PHKB: variants seen among roughly 807,000 people sequenced by gnomAD.
PHKB encodes the protein phosphorylase b kinase regulatory subunit beta.
In PHKB, 122 loss-of-function variants were observed where a neutral mutation model predicts 152.1. That is an observed-to-expected ratio of 0.80 (90% CI 0.69 to 0.93). The LOEUF is 0.93. PHKB is among the 40% of genes least tolerant of loss of function. PHKB has a pLI of 0.00. For synonymous variants in PHKB, 436 were observed against 464.9 expected (o/e 0.94, Z 0.80); for missense variants, 1,304 against 1,328.4 (o/e 0.98, Z 0.29).
rs773070437 is a variant in PHKB at position 47,700,765 on chromosome 16, C to T, written c.*1399C>T. ...TTCACCTGAGAAGATAGATTTGTCA[C>T]ATAAAAAATGCAGCTTATTTGTAGT... On this transcript the variant is annotated 3_prime_UTR_variant, in exon 31 of 31. Transcript: ENST00000323584. 8.6e-5 allele frequency: 13 copies of T among 151,922 alleles called. No homozygotes were observed. The highest frequency in any genetic ancestry group is 1.8e-4 in the Non-Finnish European group (12 of 67,996). 9.4% of individuals were successfully genotyped at this position (151,922 alleles called of 1,614,324 possible). A position where few individuals can be genotyped will look rare whatever the true frequency, so the allele number is the denominator to read the frequency against.
intron 26 of PHKB, among the ~76,000 whole-genome samples, chr16:47,669,791 A>G (rs1418740648): frequency 1.3e-5 from 2 of 152,240 alleles, no homozygotes; most frequent in Non-Finnish European, 2.9e-5. Context: ...TCAGGAGGAC[A>G]CATCCAGATA....
At chr16:47,618,617 A>G (rs140322929) in intron 14 of PHKB, among the ~76,000 whole-genome samples, 350 of 152,362 alleles carry the variant, frequency 2.3e-3, no homozygotes, top group Middle Eastern at 0.014. Context: ...TATTTGAAAG[A>G]AAATTTACCC....
At chr16:47,529,380 G>A (rs1358526369) in intron 6 of PHKB, 1 of 125,270 alleles carries the variant, frequency 8.0e-6, no homozygotes, top group Non-Finnish European at 1.6e-5. Context: ...ACAGAGTCTT[G>A]CTCTGTTGCC....
chr16:47,571,814 C>T (rs920489576), intron 7 of PHKB, among the ~76,000 whole-genome samples: 24 of 152,186 alleles, frequency 1.6e-4, no homozygotes, highest in African/African-American at 5.8e-4. Context: ...ACCTGTTCCT[C>T]TGCTGAAAGA....
chr16:47,651,596 G>A (rs112590210), intron 20 of PHKB, among the ~76,000 whole-genome samples: 11 of 152,066 alleles, frequency 7.2e-5, no homozygotes, highest in Non-Finnish European at 1.5e-4. Flanking sequence ...CCATGCTTTC[G>A]TGACCTTTAA....
intron 14 of PHKB, among the ~76,000 whole-genome samples, chr16:47,636,964 C>T (rs1437991204): frequency 6.6e-6 from 1 of 152,180 alleles, no homozygotes; most frequent in African/African-American, 2.4e-5. Context: ...GACCGATCAG[C>T]ATGCGCTTCC....
At chr16:47,595,687 T>G (rs956959695) in intron 12 of PHKB, among the ~76,000 whole-genome samples, 2 of 152,220 alleles carry the variant, frequency 1.3e-5, no homozygotes, top group African/African-American at 4.8e-5. Context: ...AATAGCTTCC[T>G]CTGTGGCTCT....
intron 1 of PHKB, chr16:47,462,170 G>C (rs1009998340): frequency 7.9e-5 from 12 of 152,224 alleles, no homozygotes; most frequent in African/African-American, 2.9e-4. Context: ...TGGTTGGCTG[G>C]ATATAATCTT....
intron 16 of PHKB, among the ~76,000 whole-genome samples, chr16:47,642,320 C>T (rs1973039557): frequency 1.3e-5 from 2 of 152,240 alleles, no homozygotes; most frequent in African/African-American, 4.8e-5. Context: ...TGATGTAGTT[C>T]AATACCTATT....
At chr16:47,466,001 T>C (rs1969662588) in intron 1 of PHKB, among the ~76,000 whole-genome samples, 1 of 152,250 alleles carries the variant, frequency 6.6e-6, no homozygotes, top group East Asian at 1.9e-4. Flanking sequence ...ATTTTCAATG[T>C]ACCTGCATTG....
intron 14 of PHKB, among the ~76,000 whole-genome samples, chr16:47,623,032 C>T (rs1291154680): frequency 6.6e-6 from 1 of 152,078 alleles, no homozygotes; most frequent in Admixed American, 6.5e-5. Context: ...CTCATACAGG[C>T]CTAGCTATAA....
At chr16:47,563,915 G>A (rs1046395138) in intron 7 of PHKB, among the ~76,000 whole-genome samples, 1 of 150,666 alleles carries the variant, frequency 6.6e-6, no homozygotes, top group African/African-American at 2.4e-5. Flanking sequence ...GTGGCATTTG[G>A]TTTTTCATTC....
chr16:47,582,662 G>A (rs1971867666), intron 8 of PHKB, among the ~76,000 whole-genome samples: 2 of 152,190 alleles, frequency 1.3e-5, no homozygotes, highest in Admixed American at 1.3e-4. Context: ...GAGAACAACT[G>A]CTCTAAGCCG....
chr16:47,648,542 C>A lies in PHKB; in HGVS notation c.1618C>A (p.Gln540Lys). The A allele has an allele frequency of 1.2e-6, 2 of 1,611,136 alleles. No homozygotes were observed. Among genetic ancestry groups the A allele is most frequent in the Non-Finnish European group, 1.7e-6 (2 of 1,177,446 alleles). The change falls in exon 17 of 31, where the codon CAG becomes AAG. Residue 540 changes from glutamine to lysine, a missense_variant. Coordinates refer to ENST00000323584, the MANE Select transcript of PHKB (RefSeq NM_000293.3). ...PQQELVKAYL[Q>K]LGINEKLGLS... is the part of the protein sequence containing the mutation. ...AACTTGTGTCTTACAGGCTTATTTGCAGCTGGGTATCAATGAAAAGTTAGG... is the reference window on the plus strand; with the variant it reads ...AACTTGTGTCTTACAGGCTTATTTGAAGCTGGGTATCAATGAAAAGTTAGG...
chr16:47,534,016 C>T (rs1970909011), intron 6 of PHKB, among the ~76,000 whole-genome samples: 1 of 152,228 alleles, frequency 6.6e-6, no homozygotes. Context: ...CCCAAGAGTA[C>T]AGAGATACCC....
At chr16:47,497,866 G>A (rs749730041) in intron 2 of PHKB, among the ~76,000 whole-genome samples, 8 of 151,938 alleles carry the variant, frequency 5.3e-5, no homozygotes, top group Non-Finnish European at 8.8e-5. Flanking sequence ...TTTTATATCC[G>A]TTTCTAATTC....
chr16:47,497,204 C>T (rs991749970), intron 1 of PHKB, among the ~76,000 whole-genome samples, 195 bp from the exon 2 acceptor site: 3 of 152,124 alleles, frequency 2.0e-5, no homozygotes, highest in African/African-American at 7.2e-5. Flanking sequence ...TCAAGTTCTT[C>T]TGTATTTATT....
chr16:47,657,764 T>C (rs1973365020), intron 20 of PHKB, among the ~76,000 whole-genome samples: 1 of 152,234 alleles, frequency 6.6e-6, no homozygotes, highest in Non-Finnish European at 1.5e-5. Flanking sequence ...AATTTTTTTC[T>C]GTTTCAGCAT....
intron 1 of PHKB, among the ~76,000 whole-genome samples, chr16:47,470,528 C>A (rs1358877200): frequency 6.6e-6 from 1 of 152,184 alleles, no homozygotes; most frequent in African/African-American, 2.4e-5. Context: ...TTGTTTATGG[C>A]CAGTTTTGGG....
Sources: gnomAD v4.1 joint callset for allele counts (sites outside exome capture counted in the v4.1 genomes callset) on GRCh38, gnomAD v4.1.1 for gene constraint, MANE v1.5 for transcripts, NCBI Gene and HGNC (gene_info 2026-07-23, HGNC 2026-07-21) for gene names.